PRICKLE1: variants seen among roughly 807,000 people sequenced by gnomAD.
PRICKLE1 encodes the protein prickle planar cell polarity protein 1.
In PRICKLE1, 14 loss-of-function variants were observed where a neutral mutation model predicts 70.2. That is an observed-to-expected ratio of 0.20 (90% CI 0.13 to 0.31). The LOEUF (loss-of-function observed/expected upper bound fraction) is 0.31, where lower values mean the gene tolerates loss of function less well. Among genes scored for constraint, PRICKLE1 ranks in the 10% least tolerant of loss-of-function variants. The probability of loss-of-function intolerance (pLI) is 1.00; values close to 1 mark genes in which losing one functional copy is unlikely to be tolerated. For missense variants in PRICKLE1, 821 were observed against 1,026.2 expected, an observed-to-expected ratio of 0.80 and a Z score of 2.73; for synonymous variants, 357 against 379.9, an observed-to-expected ratio of 0.94 and a Z score of 0.70.
At chr12:42,492,727 C>A (rs987827073) in intron 1 of PRICKLE1, among the ~76,000 whole-genome samples, 8 of 152,172 alleles carry the variant, frequency 5.3e-5, no homozygotes, top group Non-Finnish European at 7.3e-5. Flanking sequence ...GTCTTTTGAT[C>A]CAAGTTACTT....
chr12:42,525,388 G>A (rs1006741888), intron 1 of PRICKLE1, among the ~76,000 whole-genome samples: 1 of 152,162 alleles, frequency 6.6e-6, no homozygotes, highest in Non-Finnish European at 1.5e-5. Context: ...TCAAACCCAA[G>A]GAGAGGGTCG....
rs766748720 is a variant in PRICKLE1, at chr12:42,492,098, T to TA, written c.-48-19535dup. ...CGCGCCTGGCCTGCTCCATCTTAAA[T>TA]AAAAAAAAAAAAATTTATTCAGAGA... On this transcript the variant is annotated intron_variant, in intron 1 of 7. Coordinates refer to ENST00000345127, the MANE Select transcript of PRICKLE1 (RefSeq NM_153026.3). Among the ~76,000 whole-genome samples, 382 of 144,212 alleles carry TA rather than the reference T, an allele frequency of 2.6e-3. 1 individual carries two copies. The highest frequency in any genetic ancestry group is 4.3e-3 in the Non-Finnish European group (278 of 65,178). The allele number at this position is 144,212 out of a possible 152,430, so 94.6% of individuals were successfully genotyped here.
chr12:42,463,497 A>G (rs1593104267), intron 7 of PRICKLE1: 3 of 152,132 alleles, frequency 2.0e-5, no homozygotes, highest in African/African-American at 7.2e-5. Flanking sequence ...AGGCGGGTGG[A>G]TCACCTGAGG....
At chr12:42,529,936 C>T (rs28742889) in intron 1 of PRICKLE1, among the ~76,000 whole-genome samples, 79 of 45,432 alleles carry the variant, frequency 1.7e-3, no homozygotes, top group Non-Finnish European at 3.7e-3. Flanking sequence ...TTCCTTCCTT[C>T]CTTTCTTCCT....
intron 1 of PRICKLE1, among the ~76,000 whole-genome samples, chr12:42,545,462 G>T (rs1478390910): frequency 6.6e-6 from 1 of 152,238 alleles, no homozygotes; most frequent in Non-Finnish European, 1.5e-5. Flanking sequence ...GAATGGAAGA[G>T]AAATACATAA....
intron 1 of PRICKLE1, among the ~76,000 whole-genome samples, chr12:42,517,046 A>G (rs1047040415): frequency 6.6e-6 from 1 of 152,146 alleles, no homozygotes; most frequent in African/African-American, 2.4e-5. Flanking sequence ...AACCTTCTTG[A>G]GCCTTTTGGA....
intron 1 of PRICKLE1, among the ~76,000 whole-genome samples, chr12:42,495,617 G>A (rs1014130842): frequency 4.0e-5 from 6 of 150,776 alleles, no homozygotes; most frequent in African/African-American, 9.8e-5. Context: ...TTTAGATGGA[G>A]TCTCGCTCTG....
chr12:42,582,011 T>G (rs1458414626), intron 1 of PRICKLE1, among the ~76,000 whole-genome samples: 4 of 152,152 alleles, frequency 2.6e-5, no homozygotes, highest in Non-Finnish European at 4.4e-5. Context: ...TTCTGATTTA[T>G]TCCCAAAATT....
At chr12:42,472,833 C>T (rs962786440) in intron 1 of PRICKLE1, among the ~76,000 whole-genome samples, 6 of 152,202 alleles carry the variant, frequency 3.9e-5, no homozygotes, top group Admixed American at 3.9e-4. Context: ...AAAGGTGCCT[C>T]TCTACAGTCG....
chr12:42,538,965 AG>A (rs1323783496), intron 1 of PRICKLE1, among the ~76,000 whole-genome samples: 3 of 152,234 alleles, frequency 2.0e-5, no homozygotes, highest in Non-Finnish European at 4.4e-5. Flanking sequence ...CTCAACTTCA[AG>A]AAAAAAACAT....
At position 42,459,282 on chromosome 12, in the gene PRICKLE1, C is replaced by A. The variant is rs12658; in HGVS notation, c.*527G>T. The A allele has an allele frequency of 0.24, 170,179 of 700,772 alleles. 21,595 individuals are homozygous for A. The highest frequency in any genetic ancestry group is 0.32 in the Admixed American group (15,843 of 49,762). 43.4% of individuals were successfully genotyped at this position (700,772 alleles called of 1,614,324 possible). ...TTTTTTTTTTTCAATCTGTAGCTGG[C>A]GCTGATACAATACAATGTTTACCTG... On this transcript the variant is annotated 3_prime_UTR_variant, in exon 8 of 8. Transcript: ENST00000345127.
intron 1 of PRICKLE1, among the ~76,000 whole-genome samples, chr12:42,588,275 G>C (rs2120826474): frequency 6.6e-6 from 1 of 152,278 alleles, no homozygotes; most frequent in South Asian, 2.1e-4. Flanking sequence ...GTCTGATGGT[G>C]AACCACATCA....
Position 42,548,023 on chromosome 12 carries a change from G to A in PRICKLE1, c.-49+41442C>T, listed in dbSNP as rs1940243844. ...CAATATTTTAAATAATTGTATGCATGAGACAAAGTTTTTAAATTTTGTTTG... is the reference window on the plus strand; with the variant it reads ...CAATATTTTAAATAATTGTATGCATAAGACAAAGTTTTTAAATTTTGTTTG... On this transcript the variant is annotated intron_variant, in intron 1 of 7. Transcript: ENST00000345127. 2.0e-5 allele frequency among the ~76,000 whole-genome samples: 3 copies of A among 152,108 alleles called. No individual in the cohort carries two copies. In the South Asian group the frequency reaches 6.2e-4, roughly 32 times the overall value.
At chr12:42,470,150 T>A (rs1403234865) in intron 3 of PRICKLE1, 96 bp downstream of exon 3, 13 of 897,984 alleles carry the variant, frequency 1.4e-5, no homozygotes, top group Non-Finnish European at 2.0e-5. Context: ...AAGGGAGCCC[T>A]CGCCAGTGAG....
intron 1 of PRICKLE1, among the ~76,000 whole-genome samples, chr12:42,568,492 C>G (rs1280685806): frequency 6.6e-6 from 1 of 152,118 alleles, no homozygotes; most frequent in Non-Finnish European, 1.5e-5. Context: ...TTTTAAATAA[C>G]AAAAATCTCA....
At chr12:42,460,805 C>T in intron 7 of PRICKLE1, 140 bp from the exon 8 acceptor site, 1 of 937,554 alleles carries the variant, frequency 1.1e-6, no homozygotes, top group Non-Finnish European at 1.7e-6. Context: ...GGAAAGCCAA[C>T]ATGTATCTAT....
intron 1 of PRICKLE1, among the ~76,000 whole-genome samples, chr12:42,566,460 T>C (rs1940622412): frequency 6.6e-6 from 1 of 152,100 alleles, no homozygotes; most frequent in South Asian, 2.1e-4. Context: ...ACTCCAAATG[T>C]GGGCCTCAAG....
intron 1 of PRICKLE1, among the ~76,000 whole-genome samples, chr12:42,521,897 A>G (rs551896941): frequency 6.7e-6 from 1 of 148,298 alleles, no homozygotes; most frequent in African/African-American, 2.5e-5. Flanking sequence ...AGTTATCTAA[A>G]TATTTCAAGT....
intron 1 of PRICKLE1, among the ~76,000 whole-genome samples, chr12:42,576,966 T>C (rs1344300794): frequency 1.3e-5 from 2 of 152,228 alleles, no homozygotes; most frequent in Non-Finnish European, 2.9e-5. Flanking sequence ...AGCATTTATC[T>C]GGGGAGTTTG....
Sources: gnomAD v4.1 joint callset for allele counts (sites outside exome capture counted in the v4.1 genomes callset) on GRCh38, gnomAD v4.1.1 for gene constraint, MANE v1.5 for transcripts, NCBI Gene and HGNC (gene_info 2026-07-23, HGNC 2026-07-21) for gene names.